CRTC3: variants seen among roughly 807,000 people sequenced by gnomAD.
CRTC3 encodes CREB-regulated transcription coactivator 3.
CRTC3 carries 26 observed loss-of-function variants against 74.5 expected under a neutral mutation model. The observed-to-expected ratio is 0.35, with a 90% CI of 0.26 to 0.48. The LOEUF (loss-of-function observed/expected upper bound fraction) is 0.48. Among genes scored for constraint, CRTC3 ranks in the 20% least tolerant of loss-of-function variants. The probability of loss-of-function intolerance (pLI) is 0.99; values close to 1 mark genes in which losing one functional copy is unlikely to be tolerated. For synonymous variants in CRTC3, 377 were observed against 325.8 expected, an observed-to-expected ratio of 1.16 and a Z score of -1.69; for missense variants, 760 against 787.3, an observed-to-expected ratio of 0.97 and a Z score of 0.41.
At chr15:90,589,334 C>T (rs1241917510) in intron 2 of CRTC3, among the ~76,000 whole-genome samples, 2 of 150,932 alleles carry the variant, frequency 1.3e-5, no homozygotes, top group South Asian at 2.1e-4. Flanking sequence ...GGATTACAGG[C>T]GTGAGCCATG....
At chr15:90,541,782 C>CTT (rs11426969) in intron 2 of CRTC3, among the ~76,000 whole-genome samples, 2,535 of 119,994 alleles carry the variant, frequency 0.021, 213 homozygotes, top group African/African-American at 0.046. Flanking sequence ...TCCCAGGATT[C>CTT]TTTTTTTCTT....
At chr15:90,588,259 CA>C (rs11397268) in intron 2 of CRTC3, among the ~76,000 whole-genome samples, 72 of 137,772 alleles carry the variant, frequency 5.2e-4, no homozygotes, top group Admixed American at 5.1e-4. Context: ...GACTCTGTCT[CA>C]AAAAAAAAAA....
chr15:90,619,640 C>G (rs1968588006), intron 8 of CRTC3, 101 bp from the exon 9 acceptor site: 2 of 914,742 alleles, frequency 2.2e-6, no homozygotes, highest in Non-Finnish European at 3.6e-6. Context: ...CAAGCTCTCA[C>G]TTGCGCCCAC....
intron 11 of CRTC3, 29 bp from the exon 12 acceptor site, chr15:90,638,417 A>G (rs746845851): frequency 5.6e-6 from 9 of 1,598,708 alleles, no homozygotes; most frequent in Middle Eastern, 1.7e-4. Context: ...GCAGAAGCTC[A>G]TTAGTGGCTT....
At chr15:90,615,072 A>T (rs1020321245) in intron 7 of CRTC3, among the ~76,000 whole-genome samples, 1 of 151,656 alleles carries the variant, frequency 6.6e-6, no homozygotes, top group Admixed American at 6.5e-5. Context: ...AAAAATAAAT[A>T]AATAAATAAA....
intron 5 of CRTC3, chr15:90,606,633 C>G (rs1968228546): frequency 6.6e-6 from 1 of 151,832 alleles, no homozygotes; most frequent in Non-Finnish European, 1.5e-5. Context: ...GTGAGAATAT[C>G]TATTGATATT....
At chr15:90,612,628 A>G (rs1968391199) in intron 6 of CRTC3, among the ~76,000 whole-genome samples, 1 of 151,924 alleles carries the variant, frequency 6.6e-6, no homozygotes, top group African/African-American at 2.4e-5. Context: ...TGCTATATAA[A>G]ACCTAGTTTT....
At chr15:90,556,974 A>C (rs1237473678) in intron 2 of CRTC3, among the ~76,000 whole-genome samples, 733 of 20,402 alleles carry the variant, frequency 0.036, 9 homozygotes, top group African/African-American at 0.054. Context: ...ATATATATAT[A>C]TATATATATA....
Position 90,617,861 on chromosome 15 carries a change from G to A in CRTC3, c.614-22G>A, listed in dbSNP as rs1213892523. On this transcript the variant is annotated intron_variant, in intron 7 of 14. Coordinates refer to ENST00000268184, the MANE Select transcript of CRTC3 (RefSeq NM_022769.5). ...TCCTGCCTTCTCATGCAATGACTGTGCTGCTTTTTTTTTCCCTTTAGTAGC... is the reference window on the plus strand; with the variant it reads ...TCCTGCCTTCTCATGCAATGACTGTACTGCTTTTTTTTTCCCTTTAGTAGC... The A allele has an allele frequency of 1.9e-6, 3 of 1,552,192 alleles. No individual in the cohort carries two copies. The Admixed American group carries it at 5.0e-5, about 26-fold the overall frequency.
At chr15:90,541,891 TCTC>T (rs1966809141) in intron 2 of CRTC3, among the ~76,000 whole-genome samples, 1 of 151,160 alleles carries the variant, frequency 6.6e-6, no homozygotes, top group Non-Finnish European at 1.5e-5. Flanking sequence ...GTTCAAGCAT[TCTC>T]CTGCCTCAGC....
At chr15:90,555,125 G>A (rs1444292896) in intron 2 of CRTC3, among the ~76,000 whole-genome samples, 4 of 152,094 alleles carry the variant, frequency 2.6e-5, no homozygotes, top group Non-Finnish European at 2.9e-5. Flanking sequence ...GCTGGCCTTA[G>A]GGTGCTGTCA....
At chr15:90,630,755 CA>C (rs1969007541) in intron 11 of CRTC3, among the ~76,000 whole-genome samples, 4 of 37,488 alleles carry the variant, frequency 1.1e-4, no homozygotes, top group African/African-American at 2.3e-4. Flanking sequence ...ATTACAGCAT[CA>C]TTTTTTTTTT....
intron 5 of CRTC3, among the ~76,000 whole-genome samples, chr15:90,607,091 C>T (rs905694391): frequency 2.0e-4 from 31 of 152,270 alleles, no homozygotes; most frequent in African/African-American, 5.1e-4. Flanking sequence ...AGCTCTTAGA[C>T]GGAAGCCATG....
At chr15:90,631,345 C>G (rs1028869635) in intron 11 of CRTC3, among the ~76,000 whole-genome samples, 3 of 152,108 alleles carry the variant, frequency 2.0e-5, no homozygotes, top group African/African-American at 7.2e-5. Flanking sequence ...CCCAAGTGAT[C>G]CTCCTGCCTC....
At chr15:90,634,834 C>G (rs775985209) in intron 11 of CRTC3, 31 of 1,530,578 alleles carry the variant, frequency 2.0e-5, no homozygotes, top group Non-Finnish European at 2.6e-5. Flanking sequence ...CCAGAAAAAT[C>G]TCAAGGAAAA....
intron 2 of CRTC3, among the ~76,000 whole-genome samples, chr15:90,548,683 TTGAG>T (rs1021819440): frequency 2.6e-5 from 4 of 152,240 alleles, no homozygotes; most frequent in Non-Finnish European, 4.4e-5. Flanking sequence ...CTGACATTTA[TTGAG>T]TATGTGCTAT....
Position 90,638,928 on chromosome 15 carries a change from T to G in CRTC3, c.1548+113T>G, listed in dbSNP as rs889292691. ...ACCAGACATGCCACTTTCCTGGTTC[T>G]GGTTGTGTTCTGTGGCTAGAAGAGC... On this transcript the variant is annotated intron_variant, in intron 13 of 14. Coordinates refer to ENST00000268184, the MANE Select transcript of CRTC3 (RefSeq NM_022769.5). 1.0e-4 allele frequency: 91 copies of G among 914,232 alleles called. No homozygotes were observed. In the African/African-American group the frequency reaches 1.5e-3, roughly 15 times the overall value. 56.6% of individuals were successfully genotyped at this position (914,232 alleles called of 1,614,324 possible).
At chr15:90,539,085 G>A (rs1966764929) in intron 1 of CRTC3, among the ~76,000 whole-genome samples, 1 of 152,176 alleles carries the variant, frequency 6.6e-6, no homozygotes, top group African/African-American at 2.4e-5. Flanking sequence ...GAGACAGAGA[G>A]TGATGAAGGG....
At position 90,593,573 on chromosome 15, in the gene CRTC3, G is replaced by C. The variant is rs1967848792; in HGVS notation, c.232-63G>C. On this transcript the variant is annotated intron_variant, in intron 2 of 14. Transcript: ENST00000268184. ...CTTTCATCTCCTGTTGTTATCAGTT[G>C]TTCTTGAGGGTGAGTGTCAATTTCA... 3 of 1,571,046 alleles carry C rather than the reference G, an allele frequency of 1.9e-6. No homozygotes were observed. The East Asian group carries it at 6.8e-5, about 36-fold the overall frequency.
Sources: allele counts gnomAD v4.1 joint callset (sites outside exome capture counted in the v4.1 genomes callset), GRCh38; gene constraint gnomAD v4.1.1; transcripts MANE v1.5; gene names NCBI Gene and HGNC (gene_info 2026-07-23, HGNC 2026-07-21).